Variants in PLCXD3 observed in about 807,000 individuals in gnomAD.
The protein encoded by PLCXD3 is phosphatidylinositol specific phospholipase C X domain containing 3.
PLCXD3 carries 19 observed loss-of-function variants against 25.5 expected under a neutral mutation model. That is an observed-to-expected ratio of 0.75 (90% CI 0.52 to 1.09). The LOEUF is 1.09. PLCXD3 is among the 50% of genes least tolerant of loss of function. PLCXD3 has a pLI of 0.00. For missense variants in PLCXD3, 411 were observed against 388.1 expected, an observed-to-expected ratio of 1.06 and a Z score of -0.50; for synonymous variants, 174 against 137.6, an observed-to-expected ratio of 1.26 and a Z score of -1.85.
chr5:41,373,676 C>T (rs992132529), intron 2 of PLCXD3, among the ~76,000 whole-genome samples: 1 of 151,650 alleles, frequency 6.6e-6, no homozygotes, highest in Admixed American at 6.6e-5. Context: ...TCCTCCTCCC[C>T]CTTTTCCTCT....
chr5:41,353,944 A>G (rs923862167), intron 2 of PLCXD3, among the ~76,000 whole-genome samples: 4 of 152,128 alleles, frequency 2.6e-5, no homozygotes, highest in African/African-American at 9.7e-5. Flanking sequence ...TTTTATCTTT[A>G]TATCTTTGGT....
At position 41,460,700 on chromosome 5, in the gene PLCXD3, G is replaced by T. The variant is rs558464277; in HGVS notation, c.103+49724C>A. On this transcript the variant is annotated intron_variant, in intron 1 of 2. Coordinates refer to ENST00000377801, the MANE Select transcript of PLCXD3 (RefSeq NM_001005473.3). ...ATTGCCCTTTTTACAACGTCATTATGAATTTATAAAATGCAATTTTACTTG... is the reference window on the plus strand; with the variant it reads ...ATTGCCCTTTTTACAACGTCATTATTAATTTATAAAATGCAATTTTACTTG... Among the ~76,000 whole-genome samples, 4 of 152,046 alleles carry T rather than the reference G, an allele frequency of 2.6e-5. No individual in the cohort carries two copies. The South Asian group carries it at 6.2e-4, about 24-fold the overall frequency.
At chr5:41,346,787 A>G (rs1433015364) in intron 2 of PLCXD3, among the ~76,000 whole-genome samples, 2 of 152,130 alleles carry the variant, frequency 1.3e-5, no homozygotes, top group Admixed American at 6.6e-5. Context: ...TCACTTATCA[A>G]TGTGCATTTA....
chr5:41,473,342 A>C (rs1041347192), intron 1 of PLCXD3, among the ~76,000 whole-genome samples: 2 of 152,220 alleles, frequency 1.3e-5, no homozygotes, highest in Non-Finnish European at 2.9e-5. Flanking sequence ...ACAAAGTGAT[A>C]GCACATGTAT....
intron 1 of PLCXD3, among the ~76,000 whole-genome samples, chr5:41,383,021 T>C (rs1199228508): frequency 6.6e-6 from 1 of 152,054 alleles, no homozygotes; most frequent in African/African-American, 2.4e-5. Flanking sequence ...GTTACCTCAT[T>C]CACTTCGGAA....
intron 1 of PLCXD3, among the ~76,000 whole-genome samples, chr5:41,391,386 G>A (rs1240966558): frequency 6.6e-6 from 1 of 152,148 alleles, no homozygotes; most frequent in Non-Finnish European, 1.5e-5. Flanking sequence ...CAGCAGGATA[G>A]GACACCAGTC....
intron 1 of PLCXD3, among the ~76,000 whole-genome samples, chr5:41,422,005 TG>T (rs67122116): frequency 0.89 from 135,150 of 151,760 alleles, 60,633 homozygotes; most frequent in Non-Finnish European, 0.93. Flanking sequence ...ATATATATAT[TG>T]CTAATGCATA....
intron 2 of PLCXD3, among the ~76,000 whole-genome samples, chr5:41,374,078 G>T (rs192286424): frequency 6.6e-6 from 1 of 152,038 alleles, no homozygotes; most frequent in East Asian, 1.9e-4. Flanking sequence ...ACTGAGCCTA[G>T]GGAGGAGGGC....
At chr5:41,406,565 A>C (rs1746356549) in intron 1 of PLCXD3, among the ~76,000 whole-genome samples, 1 of 152,092 alleles carries the variant, frequency 6.6e-6, no homozygotes, top group East Asian at 1.9e-4. Flanking sequence ...ATCAGTCTTG[A>C]AGTTGTACTG....
chr5:41,412,002 G>T (rs1282203618), intron 1 of PLCXD3, among the ~76,000 whole-genome samples: 1 of 150,226 alleles, frequency 6.7e-6, no homozygotes, highest in Non-Finnish European at 1.5e-5. Flanking sequence ...CTATCTATCT[G>T]TATGTATGTA....
intron 2 of PLCXD3, among the ~76,000 whole-genome samples, chr5:41,351,970 G>T (rs76420072): frequency 0.12 from 18,630 of 152,070 alleles, 1,231 homozygotes; most frequent in Non-Finnish European, 0.13. Flanking sequence ...GTTCTGGCAA[G>T]GTGAATATTA....
chr5:41,485,170 TC>T (rs1748491820), intron 1 of PLCXD3, among the ~76,000 whole-genome samples: 1 of 152,144 alleles, frequency 6.6e-6, no homozygotes, highest in South Asian at 2.1e-4. Flanking sequence ...CTATTCTACT[TC>T]CATTTTTAGG....
chr5:41,482,084 C>G (rs1001499428), intron 1 of PLCXD3, among the ~76,000 whole-genome samples: 17 of 151,816 alleles, frequency 1.1e-4, no homozygotes, highest in African/African-American at 3.9e-4. Flanking sequence ...TTTTTTTTAA[C>G]CTAGAACTCA....
intron 1 of PLCXD3, among the ~76,000 whole-genome samples, chr5:41,395,955 G>A (rs547434543): frequency 6.6e-6 from 1 of 150,742 alleles, no homozygotes; most frequent in Non-Finnish European, 1.5e-5. Flanking sequence ...CTCATTCTAT[G>A]AGGCCAGCAT....
rs70988846 is a variant in PLCXD3 at position 41,440,215 on chromosome 5, A to ATTTTTTT, written c.104-57688_104-57682dup. Among the ~76,000 whole-genome samples the ATTTTTTT allele has an allele frequency of 1.9e-3, 76 of 41,076 alleles. 17 individuals carry two copies. The highest frequency in any genetic ancestry group is 7.0e-3 in the African/African-American group (67 of 9,610). 26.9% of individuals were successfully genotyped at this position (41,076 alleles called of 152,430 possible). A position where few individuals can be genotyped will look rare whatever the true frequency, so the allele number is the denominator to read the frequency against. On this transcript the variant is annotated intron_variant, in intron 1 of 2. Coordinates refer to ENST00000377801, the MANE Select transcript of PLCXD3 (RefSeq NM_001005473.3). ...TCTGAGCAAATTACATAATCTCTCA[A>ATTTTTTT]TTTTTTTTTTTTTTTTTTTTTTTTT...
intron 2 of PLCXD3, among the ~76,000 whole-genome samples, chr5:41,362,018 C>T (rs1744795421): frequency 6.6e-6 from 1 of 152,092 alleles, no homozygotes; most frequent in Non-Finnish European, 1.5e-5. Context: ...GAGAGATAAC[C>T]TGAAATTTGG....
intron 1 of PLCXD3, among the ~76,000 whole-genome samples, chr5:41,383,950 C>T (rs900893614): frequency 1.3e-5 from 2 of 151,926 alleles, no homozygotes; most frequent in South Asian, 4.1e-4. Flanking sequence ...ATCTCTCTAT[C>T]CAGCTTTAAC....
intron 1 of PLCXD3, among the ~76,000 whole-genome samples, chr5:41,393,181 T>G (rs1745886589): frequency 6.6e-6 from 1 of 152,006 alleles, no homozygotes; most frequent in Admixed American, 6.5e-5. Context: ...CTTTCCAAAC[T>G]TAGAGAAAGA....
At chr5:41,341,825 A>G (rs1744157175) in intron 2 of PLCXD3, among the ~76,000 whole-genome samples, 3 of 152,174 alleles carry the variant, frequency 2.0e-5, no homozygotes, top group African/African-American at 7.2e-5. Context: ...GTTATTGTGT[A>G]CCCATAGCTT....
Sources: allele counts gnomAD v4.1 joint callset (sites outside exome capture counted in the v4.1 genomes callset), GRCh38; gene constraint gnomAD v4.1.1; transcripts MANE v1.5; gene names NCBI Gene and HGNC (gene_info 2026-07-23, HGNC 2026-07-21).